Variants in PRKAR1A observed in about 807,000 individuals in gnomAD.
PRKAR1A encodes the protein cAMP-dependent protein kinase type I-alpha regulatory subunit.
In PRKAR1A, 3 loss-of-function variants were observed where a neutral mutation model predicts 52.0. The ratio of observed to expected loss-of-function variants is 0.06; its 90% CI spans 0.03 to 0.15. The LOEUF (loss-of-function observed/expected upper bound fraction) is 0.15, where lower values mean the gene tolerates loss of function less well. Among genes scored for constraint, PRKAR1A ranks in the 10% least tolerant of loss-of-function variants. The probability of loss-of-function intolerance (pLI) is 1.00; values close to 1 mark genes in which losing one functional copy is unlikely to be tolerated. For synonymous variants in PRKAR1A, 188 were observed against 168.4 expected, an observed-to-expected ratio of 1.12 and a Z score of -0.90; for missense variants, 240 against 477.4, an observed-to-expected ratio of 0.50 and a Z score of 4.63.
the PRKAR1A span, among the ~76,000 whole-genome samples, chr17:68,486,266 G>A: frequency 1.1e-3 from 173 of 152,110 alleles, no homozygotes; most frequent in Non-Finnish European, 2.0e-3. Flanking sequence ...GCAGGAAACT[G>A]TTCTATGAAG....
chr17:68,537,362 T>G (rs1183811602), downstream of PRKAR1A: 2 of 1,353,970 alleles, frequency 1.5e-6, no homozygotes, highest in Non-Finnish European at 2.1e-6. The surrounding 1 kb of genome is among the most constrained non-coding windows in gnomAD (Gnocchi z 4.2). Context: ...TCCTGCTTCC[T>G]TCCTAGCTGA....
At chr17:68,420,474 T>C in the PRKAR1A span, 1 of 1,603,480 alleles carries the variant, frequency 6.2e-7, no homozygotes, top group Non-Finnish European at 8.5e-7. Context: ...CAGACCAATT[T>C]TTATTCCACG....
At chr17:68,510,208 T>C (rs1490861006), upstream of PRKAR1A, among the ~76,000 whole-genome samples, 1 of 110,188 alleles carries the variant, frequency 9.1e-6, no homozygotes, top group Non-Finnish European at 2.1e-5. Flanking sequence ...CTATCTATTC[T>C]GCAATGGAGA....
chr17:68,413,748 G>C, the PRKAR1A span: 1 of 160,150 alleles, frequency 6.2e-6, no homozygotes, highest in African/African-American at 2.4e-5. Context: ...TCAGACTGCT[G>C]TGCTAGCAAT....
chr17:68,420,332 A>G, the PRKAR1A span: 1 of 1,614,196 alleles, frequency 6.2e-7, no homozygotes, highest in Non-Finnish European at 8.5e-7. Context: ...GCCCGAGGTC[A>G]GAAAGGTTCT....
chr17:68,543,578 C>A (rs778193617), intron 11 of PRKAR1A: 1 of 1,539,770 alleles, frequency 6.5e-7, no homozygotes, highest in East Asian at 2.2e-5. Context: ...CCACCCCTCC[C>A]AGAGGATTGG....
chr17:68,435,985 C>T, the PRKAR1A span, among the ~76,000 whole-genome samples: 2 of 152,238 alleles, frequency 1.3e-5, no homozygotes, highest in African/African-American at 4.8e-5. Context: ...GTCGCAGGCG[C>T]GCCCTGCACG....
intron 2 of PRKAR1A, among the ~76,000 whole-genome samples, chr17:68,517,175 C>T (rs2085460835): frequency 6.6e-6 from 1 of 152,132 alleles, no homozygotes. Context: ...ATTAAAGTCA[C>T]AGTTCAACAT....
the PRKAR1A span, among the ~76,000 whole-genome samples, chr17:68,463,644 G>T: frequency 6.6e-6 from 1 of 152,206 alleles, no homozygotes; most frequent in African/African-American, 2.4e-5. Flanking sequence ...TTTGCATAGG[G>T]TGGGCAGGGA....
chr17:68,467,347 C>A, the PRKAR1A span, among the ~76,000 whole-genome samples: 1 of 152,208 alleles, frequency 6.6e-6, no homozygotes, highest in Non-Finnish European at 1.5e-5. Flanking sequence ...AACTGTTTTT[C>A]ATAGCAGCTG....
At chr17:68,425,789 A>G in the PRKAR1A span, 1 of 345,990 alleles carries the variant, frequency 2.9e-6, no homozygotes, top group African/African-American at 2.1e-5. Context: ...ACAGAAGCAA[A>G]GTAAGGGATC....
At chr17:68,545,890 T>C (rs1158469731) in intron 11 of PRKAR1A, among the ~76,000 whole-genome samples, 1 of 152,124 alleles carries the variant, frequency 6.6e-6, no homozygotes, top group Non-Finnish European at 1.5e-5. Context: ...TCCTTATTGG[T>C]CGGGTGCGGT....
At chr17:68,508,451 C>T (rs1394103241), upstream of PRKAR1A, among the ~76,000 whole-genome samples, 3 of 152,220 alleles carry the variant, frequency 2.0e-5, no homozygotes, top group Admixed American at 1.3e-4. Context: ...ACCGCATGTT[C>T]TCACTTATAA....
downstream of PRKAR1A, chr17:68,536,711 C>T (rs1273564172): frequency 2.2e-6 from 1 of 454,066 alleles, no homozygotes; most frequent in Non-Finnish European, 4.4e-6. Flanking sequence ...GTTCCCATGC[C>T]ATCCTGACCT....
the PRKAR1A span, among the ~76,000 whole-genome samples, chr17:68,457,729 G>GC: frequency 6.6e-5 from 10 of 151,800 alleles, no homozygotes; most frequent in African/African-American, 1.9e-4. Flanking sequence ...GGCGGGCACC[G>GC]CCCCCCTTGG....
At chr17:68,521,919 T>G (rs1452977196) in intron 2 of PRKAR1A, among the ~76,000 whole-genome samples, 1 of 152,254 alleles carries the variant, frequency 6.6e-6, no homozygotes, top group Admixed American at 6.5e-5. Flanking sequence ...GAGAGGAATT[T>G]GTTTTTAAGG....
At chr17:68,488,274 G>A in the PRKAR1A span, among the ~76,000 whole-genome samples, 1 of 152,192 alleles carries the variant, frequency 6.6e-6, no homozygotes, top group East Asian at 1.9e-4. Flanking sequence ...CAGGAGAGAA[G>A]AGCTGAGGTC....
At chr17:68,541,811 G>T (rs1049207268) in intron 11 of PRKAR1A, 6 of 713,100 alleles carry the variant, frequency 8.4e-6, no homozygotes, top group Non-Finnish European at 1.4e-5. Flanking sequence ...CTGAATAAAT[G>T]AACTAAAGGG....
chr17:68,436,320 T>C, the PRKAR1A span: 1 of 1,499,506 alleles, frequency 6.7e-7, no homozygotes, highest in Non-Finnish European at 9.3e-7. Context: ...CTTATCTATC[T>C]CCTTCCATGA....
Sources: gnomAD v4.1 joint callset for allele counts (sites outside exome capture counted in the v4.1 genomes callset) on GRCh38, gnomAD v4.1.1 for gene constraint, Gnocchi (gnomAD v3.1) non-coding constraint, MANE v1.5 for transcripts, NCBI Gene and HGNC (gene_info 2026-07-23, HGNC 2026-07-21) for gene names.